MYH11: variants seen among roughly 807,000 people sequenced by gnomAD.
MYH11 encodes the protein myosin heavy chain 11, also known as myosin-11.
MYH11 carries 80 observed loss-of-function variants against 246.6 expected under a neutral mutation model. The observed-to-expected ratio is 0.32, with a 90% confidence interval of 0.27 to 0.39. MYH11 has a LOEUF of 0.39. Ranked by LOEUF, MYH11 falls within the 10% of genes least tolerant of loss-of-function variation. MYH11 has a pLI of 1.00. For missense variants in MYH11, 2,158 were observed against 2,546.8 expected, an observed-to-expected ratio of 0.85 and a Z score of 3.29; for synonymous variants, 1,071 against 1,015.5, an observed-to-expected ratio of 1.05 and a Z score of -1.04.
intron 10 of MYH11, among the ~76,000 whole-genome samples, chr16:15,762,209 A>G (rs541293387): frequency 1.3e-5 from 2 of 152,188 alleles, no homozygotes; most frequent in African/African-American, 4.8e-5. Flanking sequence ...TCCTGACTTC[A>G]AGTGATCCAC....
At chr16:15,851,508 C>G (rs1028810605) in intron 1 of MYH11, among the ~76,000 whole-genome samples, 3 of 152,098 alleles carry the variant, frequency 2.0e-5, no homozygotes, top group Non-Finnish European at 4.4e-5. Flanking sequence ...AATCCAGAAT[C>G]TAATCCTAGT....
intron 3 of MYH11, among the ~76,000 whole-genome samples, chr16:15,810,036 TTTTTG>T (rs1267725598): frequency 2.6e-5 from 4 of 151,780 alleles, no homozygotes; most frequent in African/African-American, 9.7e-5. Context: ...TTTGTTTTTG[TTTTTG>T]TTTTTTTTTG....
intron 22 of MYH11, chr16:15,741,219 C>T: frequency 1.6e-6 from 1 of 606,644 alleles, no homozygotes; most frequent in Non-Finnish European, 2.9e-6. Context: ...ATCCTCCATT[C>T]AGGCTTGCTG....
chr16:15,754,375 C>T (rs928392988), intron 14 of MYH11, among the ~76,000 whole-genome samples: 6 of 151,962 alleles, frequency 3.9e-5, no homozygotes, highest in Admixed American at 6.6e-5. Flanking sequence ...TGCCCAAAGC[C>T]GTAATTTTTA....
In MYH11 at chr16:15,726,879, G is replaced by A. The variant is rs547038802; in HGVS notation, c.3827C>T (p.Ala1276Val). 9.8e-5 allele frequency: 158 copies of A among 1,612,044 alleles called. 1 individual carries two copies. Among genetic ancestry groups the A allele is most frequent in the Non-Finnish European group, 1.3e-4 (148 of 1,179,978 alleles). Residue 1276 changes from alanine to valine, a missense_variant, in exon 28 of 41, where the codon GCG (alanine) becomes GTG (valine). By Grantham distance (64) the Ala-to-Val change is moderately conservative (BLOSUM62 0). Transcript: ENST00000300036. ...CTTGTGGACTTTGTCATTGAGCTCC[G>A]CCCGGGCCCGCTCCCCATCGCTGCA... Reference protein sequence around the residue: ...SKCSDGERARAELNDKVHKLQ... With the variant: ...SKCSDGERARVELNDKVHKLQ...
chr16:15,778,839 T>C lies in MYH11; in HGVS notation c.731A>G (p.Lys244Arg), dbSNP rs1308503801. 6.2e-7 allele frequency: 1 copy of C among 1,613,886 alleles called. No individual in the cohort carries two copies. The highest frequency in any genetic ancestry group is 1.3e-5 in the African/African-American group (1 of 74,874). The stretch of plus-strand genomic sequence containing the variant: ...GACGTCGAAGTTGATGCGGATGAAT[T>C]TGCCCTGCCAACAGGAAAACACAGT... ...VKNDNSSRFG[K>R]FIRINFDVTG... Residue 244 changes from lysine (K) to arginine (R), a missense_variant, in exon 7 of 41, where the codon AAA becomes AGA. Lys to Arg is a conservative substitution (Grantham distance 26, BLOSUM62 2). Around this residue, in one of 11 missense-constraint regions of MYH11, gnomAD observed 123 missense variants for 207.1 expected, o/e 0.59. Coordinates refer to ENST00000300036, the MANE Select transcript of MYH11 (RefSeq NM_002474.3).
intron 20 of MYH11, among the ~76,000 whole-genome samples, chr16:15,744,076 G>C (rs1191926980): frequency 2.6e-5 from 4 of 151,660 alleles, no homozygotes; most frequent in Non-Finnish European, 1.5e-5. Flanking sequence ...TTCAAGACCA[G>C]CCTGGGTAAC....
chr16:15,747,121 G>A (rs996835750), intron 19 of MYH11, among the ~76,000 whole-genome samples: 7 of 152,012 alleles, frequency 4.6e-5, no homozygotes, highest in African/African-American at 1.4e-4. Flanking sequence ...AGGAAGGAAG[G>A]AAGGGAGGGA....
At chr16:15,730,048 T>G (rs945001778) in intron 27 of MYH11, among the ~76,000 whole-genome samples, 1 of 152,076 alleles carries the variant, frequency 6.6e-6, no homozygotes, top group African/African-American at 2.4e-5. Flanking sequence ...GAGATCTGGT[T>G]GTTTAAAAGT....
intron 1 of MYH11, among the ~76,000 whole-genome samples, chr16:15,850,473 C>T (rs943667847): frequency 1.2e-4 from 19 of 152,078 alleles, no homozygotes; most frequent in African/African-American, 3.6e-4. Flanking sequence ...CAACAGCTTC[C>T]CTCAGGATTT....
intron 10 of MYH11, among the ~76,000 whole-genome samples, chr16:15,762,128 C>T (rs990698259): frequency 3.9e-5 from 6 of 152,206 alleles, no homozygotes; most frequent in African/African-American, 1.2e-4. Flanking sequence ...GCGCCTGCCA[C>T]TACGCCTGGC....
chr16:15,822,823 A>T (rs2043449332), intron 3 of MYH11, among the ~76,000 whole-genome samples: 1 of 152,262 alleles, frequency 6.6e-6, no homozygotes, highest in South Asian at 2.1e-4. Flanking sequence ...AGAAGCTACA[A>T]GATAGAGACT....
intron 4 of MYH11, among the ~76,000 whole-genome samples, chr16:15,793,622 T>C (rs866075587): frequency 0.014 from 1,880 of 137,866 alleles, 26 homozygotes; most frequent in African/African-American, 0.049. Flanking sequence ...TTTCTTTTTT[T>C]TTTTTTTTTT....
chr16:15,708,806 G>A, intron 40 of MYH11: 1 of 1,608,034 alleles, frequency 6.2e-7, no homozygotes, highest in South Asian at 1.1e-5. Context: ...ATGATACCTG[G>A]TGCATCACTG....
At chr16:15,760,233 G>A (rs539435135) in intron 11 of MYH11, among the ~76,000 whole-genome samples, 1 of 152,194 alleles carries the variant, frequency 6.6e-6, no homozygotes, top group South Asian at 2.1e-4. Context: ...TGGAATGACA[G>A]CTGGATGGGT....
At chr16:15,714,410 C>T (rs1359571820) in intron 40 of MYH11, 2 of 190,058 alleles carry the variant, frequency 1.1e-5, no homozygotes, top group African/African-American at 4.7e-5. Context: ...ATGTAAGCAC[C>T]TGCTACTTTT....
intron 1 of MYH11, among the ~76,000 whole-genome samples, chr16:15,853,970 G>A (rs1041753409): frequency 1.3e-5 from 2 of 152,162 alleles, no homozygotes; most frequent in Non-Finnish European, 2.9e-5. Flanking sequence ...GGCGGAGGTT[G>A]CAGTGAGCCA....
intron 4 of MYH11, among the ~76,000 whole-genome samples, chr16:15,790,364 G>A (rs1479369046): frequency 1.3e-5 from 2 of 151,760 alleles, no homozygotes; most frequent in East Asian, 3.9e-4. Context: ...AGACATCAAT[G>A]TGCCCTATCC....
intron 3 of MYH11, among the ~76,000 whole-genome samples, chr16:15,806,476 G>GA (rs1418721146): frequency 6.6e-6 from 1 of 151,986 alleles, no homozygotes; most frequent in Non-Finnish European, 1.5e-5. Flanking sequence ...TTCTTTGGGG[G>GA]ATGATAGAAA....
Sources: gnomAD v4.1 joint callset for allele counts (sites outside exome capture counted in the v4.1 genomes callset) on GRCh38, gnomAD v4.1.1 for gene constraint, gnomAD v4.1.1 regional missense constraint, MANE v1.5 for transcripts, NCBI Gene and HGNC (gene_info 2026-07-23, HGNC 2026-07-21) for gene names.